Variants in CHST9 observed in about 807,000 individuals in gnomAD.
CHST9 encodes the protein GalNAc-4-sulfotransferase 2.
CHST9 carries 41 observed loss-of-function variants against 44.4 expected under a neutral mutation model. The observed-to-expected ratio is 0.92, with a 90% confidence interval of 0.72 to 1.20. The LOEUF is 1.20. Ranked by LOEUF, CHST9 falls within the 50% of genes most tolerant of loss-of-function variation. The pLI is 0.00. For missense variants in CHST9, 504 were observed against 516.5 expected (o/e 0.98, Z 0.23); for synonymous variants, 171 against 178.4 (o/e 0.96, Z 0.33).
chr18:27,104,649 G>C (rs987231864), intron 2 of CHST9, among the ~76,000 whole-genome samples: 2 of 152,100 alleles, frequency 1.3e-5, no homozygotes, highest in African/African-American at 4.8e-5. Flanking sequence ...GATTTTGACT[G>C]TTTATTTCAA....
At chr18:27,015,108 T>C (rs1451280884) in intron 4 of CHST9, among the ~76,000 whole-genome samples, 2 of 152,164 alleles carry the variant, frequency 1.3e-5, no homozygotes, top group East Asian at 3.8e-4. Flanking sequence ...TGCAGATATC[T>C]AATGTGATCC....
intron 4 of CHST9, among the ~76,000 whole-genome samples, chr18:26,948,299 T>C (rs978232071): frequency 6.6e-6 from 1 of 152,098 alleles, no homozygotes; most frequent in African/African-American, 2.4e-5. Context: ...CTAATGTAGA[T>C]GATGGGTTGA....
chr18:27,079,071 A>G (rs2057935976), intron 2 of CHST9, among the ~76,000 whole-genome samples: 1 of 152,142 alleles, frequency 6.6e-6, no homozygotes. Flanking sequence ...GCTTGTGGCA[A>G]TGAGTGGGCG....
intron 1 of CHST9, among the ~76,000 whole-genome samples, chr18:27,162,109 TTTAAGA>T (rs999639287): frequency 2.2e-4 from 34 of 152,368 alleles, no homozygotes; most frequent in African/African-American, 8.2e-4. Flanking sequence ...CCCATTTACA[TTTAAGA>T]TTAATATTGT....
chr18:27,090,961 G>GT (rs1327696502), intron 2 of CHST9, among the ~76,000 whole-genome samples: 1 of 152,210 alleles, frequency 6.6e-6, no homozygotes, highest in East Asian at 1.9e-4. Context: ...CTTTAATGTA[G>GT]TTTTTTTCCA....
In CHST9 at chr18:26,909,581, C is replaced by T. The variant is rs959560294; in HGVS notation, c.*6678G>A. 6.6e-6 allele frequency: 1 copy of T among 152,062 alleles called. No homozygotes were observed. The highest frequency in any genetic ancestry group is 2.4e-5 in the African/African-American group (1 of 41,412). 9.4% of individuals were successfully genotyped at this position (152,062 alleles called of 1,614,324 possible). On this transcript the variant is annotated 3_prime_UTR_variant, in exon 6 of 6. Transcript: ENST00000618847. ...GGTAGACACTCTAGCATTCTGAGTG[C>T]ATTTTTATTTATTATATAGTACATC...
At chr18:27,170,021 G>T (rs563362722) in intron 1 of CHST9, among the ~76,000 whole-genome samples, 21 of 152,252 alleles carry the variant, frequency 1.4e-4, no homozygotes, top group South Asian at 6.2e-4. Flanking sequence ...GACAAGATTT[G>T]CTTGAGGCAG....
At chr18:26,917,839 C>A (rs1333529782) in intron 5 of CHST9, among the ~76,000 whole-genome samples, 1 of 151,892 alleles carries the variant, frequency 6.6e-6, no homozygotes, top group Non-Finnish European at 1.5e-5. Flanking sequence ...ATCTCGATGA[C>A]CACTTCAGTT....
intron 4 of CHST9, among the ~76,000 whole-genome samples, chr18:26,963,322 A>G (rs2056423908): frequency 6.6e-6 from 1 of 152,134 alleles, no homozygotes; most frequent in South Asian, 2.1e-4. Flanking sequence ...CTTTTCTTCT[A>G]GATGTGCACT....
chr18:27,107,257 G>A (rs575266304), intron 2 of CHST9, among the ~76,000 whole-genome samples: 6 of 152,218 alleles, frequency 3.9e-5, no homozygotes, highest in East Asian at 3.9e-4. Context: ...TGAAGTTTCC[G>A]CCAGTGGTAT....
intron 2 of CHST9, among the ~76,000 whole-genome samples, chr18:27,053,717 C>A (rs1345634963): frequency 6.6e-6 from 1 of 152,184 alleles, no homozygotes; most frequent in Non-Finnish European, 1.5e-5. Flanking sequence ...TGTCACTCCT[C>A]AAGCATCACA....
intron 2 of CHST9, among the ~76,000 whole-genome samples, chr18:27,113,949 T>C (rs2058297805): frequency 6.6e-6 from 1 of 152,234 alleles, no homozygotes; most frequent in African/African-American, 2.4e-5. Context: ...AATTAGATTA[T>C]ACACAGCTCT....
intron 2 of CHST9, among the ~76,000 whole-genome samples, chr18:27,081,847 TAGTC>T (rs1431425010): frequency 2.0e-5 from 3 of 152,166 alleles, no homozygotes; most frequent in Non-Finnish European, 2.9e-5. Context: ...TGCCTGAAAA[TAGTC>T]AGAATCCTGC....
At chr18:27,076,989 G>A (rs2057911374) in intron 2 of CHST9, among the ~76,000 whole-genome samples, 1 of 152,080 alleles carries the variant, frequency 6.6e-6, no homozygotes, top group Admixed American at 6.6e-5. Context: ...AAATTGATCA[G>A]GGAGTTCTCA....
chr18:26,995,825 C>T lies in CHST9; in HGVS notation c.202+28291G>A, dbSNP rs2056881638. Among the ~76,000 whole-genome samples the T allele has an allele frequency of 2.0e-5, 3 of 152,110 alleles. No individual in the cohort carries two copies. In the South Asian group the frequency reaches 6.2e-4, roughly 31 times the overall value. ...TTTGTCTATTATTAAAGCAAAATTGCTTATTGTGTATCTTAATGTAATTGA... is the reference window on the plus strand; with the variant it reads ...TTTGTCTATTATTAAAGCAAAATTGTTTATTGTGTATCTTAATGTAATTGA... On this transcript the variant is annotated intron_variant, in intron 4 of 5. Coordinates refer to ENST00000618847, the MANE Select transcript of CHST9 (RefSeq NM_031422.6).
chr18:27,131,256 A>G (rs745361390), intron 2 of CHST9, among the ~76,000 whole-genome samples: 6 of 152,200 alleles, frequency 3.9e-5, no homozygotes, highest in Non-Finnish European at 8.8e-5. Flanking sequence ...AACCTTCAAT[A>G]ACTGAGTTCC....
intron 1 of CHST9, among the ~76,000 whole-genome samples, chr18:27,145,791 A>G (rs2058607207): frequency 6.6e-6 from 1 of 152,212 alleles, no homozygotes; most frequent in South Asian, 2.1e-4. Flanking sequence ...CATATGTAAC[A>G]AAGAACAGTT....
chr18:27,014,003 A>G (rs1007969392), intron 4 of CHST9, among the ~76,000 whole-genome samples: 6 of 152,204 alleles, frequency 3.9e-5, no homozygotes, highest in Non-Finnish European at 8.8e-5. Context: ...AAAAGCTATG[A>G]TTGTGGTATT....
chr18:27,144,377 CT>C (rs1463886420), intron 1 of CHST9, among the ~76,000 whole-genome samples: 3 of 152,136 alleles, frequency 2.0e-5, no homozygotes, highest in Non-Finnish European at 4.4e-5. Flanking sequence ...TTTAGGTATT[CT>C]TGGCAAAACC....
Sources: gnomAD v4.1 joint callset for allele counts (sites outside exome capture counted in the v4.1 genomes callset) on GRCh38, gnomAD v4.1.1 for gene constraint, MANE v1.5 for transcripts, NCBI Gene and HGNC (gene_info 2026-07-23, HGNC 2026-07-21) for gene names.